Variants in TFCP2L1 observed in about 807,000 individuals in gnomAD.
TFCP2L1 encodes transcription factor CP2-like protein 1.
A neutral mutation model predicts 72.2 loss-of-function variants in TFCP2L1; 12 were observed. The ratio of observed to expected loss-of-function variants is 0.17; its 90% CI spans 0.11 to 0.27. TFCP2L1 has a LOEUF of 0.27. TFCP2L1 is among the 10% of genes least tolerant of loss of function. The pLI is 1.00. For missense variants in TFCP2L1, 488 were observed against 624.6 expected (o/e 0.78, Z 2.33); for synonymous variants, 260 against 251.0 (o/e 1.04, Z -0.34).
chr2:121,239,451 C>G (rs1686317521), intron 8 of TFCP2L1, 107 bp downstream of exon 8: 16 of 1,281,764 alleles, frequency 1.2e-5, no homozygotes, highest in Non-Finnish European at 1.8e-5. Context: ...AGTTAGCTAC[C>G]CTGAAACCCA....
At chr2:121,225,710 C>G in intron 13 of TFCP2L1, 97 bp from the exon 14 acceptor site, 1 of 1,348,984 alleles carries the variant, frequency 7.4e-7, no homozygotes, top group Non-Finnish European at 1.1e-6. Context: ...TGCAGAAACA[C>G]CACTGCCAAG....
At chr2:121,224,623 T>C (rs560521773) in intron 14 of TFCP2L1, among the ~76,000 whole-genome samples, 61 of 152,192 alleles carry the variant, frequency 4.0e-4, no homozygotes, top group Non-Finnish European at 7.6e-4. Context: ...GATGAAAACC[T>C]ACGTTCCAAG....
chr2:121,269,510 C>T (rs1687001285), intron 2 of TFCP2L1, among the ~76,000 whole-genome samples: 1 of 151,892 alleles, frequency 6.6e-6, no homozygotes, highest in African/African-American at 2.4e-5. Context: ...CGTATAATCC[C>T]AGCACTTAGG....
chr2:121,279,857 C>T (rs6714806), intron 2 of TFCP2L1, among the ~76,000 whole-genome samples: 36,189 of 152,122 alleles, frequency 0.24, 5,382 homozygotes, highest in African/African-American at 0.42. Flanking sequence ...AGCAGACACA[C>T]AGTCCTTTGC....
chr2:121,282,319 TAAAAAAAAA>T (rs539101704), intron 1 of TFCP2L1, among the ~76,000 whole-genome samples: 5 of 86,290 alleles, frequency 5.8e-5, no homozygotes, highest in African/African-American at 8.9e-5. Flanking sequence ...CTCTCCACAT[TAAAAAAAAA>T]AAAAAAAAAA....
In TFCP2L1 at chr2:121,231,866, C is replaced by T. The variant is rs766101415; in HGVS notation, c.1301G>A (p.Arg434Gln). The T allele has an allele frequency of 5.0e-6, 8 of 1,613,428 alleles. No individual in the cohort carries two copies. The highest frequency in any genetic ancestry group is 3.3e-5 in the Admixed American group (2 of 59,946). The change falls in exon 13 of 15, where the codon CGG (arginine) becomes CAG (glutamine). Residue 434 changes from arginine to glutamine, a missense_variant. This residue lies in a region of TFCP2L1 where 286 missense variants were observed against 329.0 expected (regional missense o/e 0.87). Transcript: ENST00000263707. ...ISPQHIHRVYRQGPTGIHVVV... is the reference protein window; with the variant it reads ...ISPQHIHRVYQQGPTGIHVVV... The stretch of plus-strand genomic sequence containing the variant: ...CACATGGATGCCCGTGGGGCCCTGC[C>T]GGTAGACTCGGTGGATGTGCTGGGG...
chr2:121,244,000 G>C (rs902176792), intron 6 of TFCP2L1, among the ~76,000 whole-genome samples: 8 of 152,144 alleles, frequency 5.3e-5, no homozygotes. Context: ...GGATGAAGCA[G>C]GGTGGCAGAG....
chr2:121,231,271 G>A (rs1686138066), intron 13 of TFCP2L1, among the ~76,000 whole-genome samples: 1 of 152,224 alleles, frequency 6.6e-6, no homozygotes, highest in South Asian at 2.1e-4. Context: ...CTAACCCTTT[G>A]GCAGGCATAT....
chr2:121,261,317 C>T (rs572806093), intron 2 of TFCP2L1, among the ~76,000 whole-genome samples: 1 of 152,262 alleles, frequency 6.6e-6, no homozygotes, highest in East Asian at 1.9e-4. Context: ...TTACTGGGGG[C>T]TCCTTAGAGA....
At chr2:121,284,935 C>T (rs910814355) in intron 1 of TFCP2L1, 113 bp downstream of exon 1, 2 of 941,694 alleles carry the variant, frequency 2.1e-6, no homozygotes, top group East Asian at 6.9e-5. Flanking sequence ...AGAGGGCGGA[C>T]AGCGGGGAGG....
At chr2:121,259,129 T>C (rs1327298849) in intron 2 of TFCP2L1, among the ~76,000 whole-genome samples, 3 of 151,904 alleles carry the variant, frequency 2.0e-5, no homozygotes, top group Non-Finnish European at 4.4e-5. Context: ...TCCCAGCTAT[T>C]TGGGAAGCTT....
At chr2:121,277,762 T>C (rs1055773522) in intron 2 of TFCP2L1, among the ~76,000 whole-genome samples, 3 of 151,998 alleles carry the variant, frequency 2.0e-5, no homozygotes, top group Non-Finnish European at 2.9e-5. Context: ...CTGACAAATA[T>C]AGTAAATGAA....
At chr2:121,280,881 T>A (rs1687243110) in intron 2 of TFCP2L1, among the ~76,000 whole-genome samples, 1 of 150,818 alleles carries the variant, frequency 6.6e-6, no homozygotes, top group African/African-American at 2.4e-5. Context: ...GAATGCAGAG[T>A]GTTACCCTGT....
intron 2 of TFCP2L1, among the ~76,000 whole-genome samples, chr2:121,273,730 G>A (rs1687090923): frequency 1.3e-5 from 2 of 152,150 alleles, no homozygotes; most frequent in African/African-American, 4.8e-5. Context: ...ACCTGTGATG[G>A]CTTCACAAGA....
chr2:121,225,469 A>G (rs1029590557), intron 14 of TFCP2L1, 93 bp downstream of exon 14: 23 of 1,211,664 alleles, frequency 1.9e-5, no homozygotes, highest in Non-Finnish European at 4.8e-6. Flanking sequence ...GGCTTTTCCC[A>G]GGTCAGCACT....
At chr2:121,242,227 A>T (rs1451405988) in intron 7 of TFCP2L1, 132 bp downstream of exon 7, 1 of 735,218 alleles carries the variant, frequency 1.4e-6, no homozygotes, top group African/African-American at 1.7e-5. Context: ...AGACACTGGA[A>T]CCCACCACAA....
At chr2:121,254,669 A>G (rs1369071907) in intron 2 of TFCP2L1, among the ~76,000 whole-genome samples, 3 of 152,142 alleles carry the variant, frequency 2.0e-5, no homozygotes, top group Non-Finnish European at 2.9e-5. Flanking sequence ...GTGGTGGCGC[A>G]TGCTTGTAAT....
At chr2:121,254,667 G>A (rs991461263) in intron 2 of TFCP2L1, among the ~76,000 whole-genome samples, 2 of 152,152 alleles carry the variant, frequency 1.3e-5, no homozygotes, top group African/African-American at 2.4e-5. Context: ...GCGTGGTGGC[G>A]CATGCTTGTA....
chr2:121,250,136 G>A (rs532598680), intron 2 of TFCP2L1, among the ~76,000 whole-genome samples: 3 of 152,186 alleles, frequency 2.0e-5, no homozygotes, highest in South Asian at 4.1e-4. Flanking sequence ...CCAGTTAAAA[G>A]AATTCCATGT....
Sources: allele counts gnomAD v4.1 joint callset (sites outside exome capture counted in the v4.1 genomes callset), GRCh38; gene constraint gnomAD v4.1.1; regional missense constraint gnomAD v4.1.1; transcripts MANE v1.5; gene names NCBI Gene and HGNC (gene_info 2026-07-23, HGNC 2026-07-21).